Variants in NT5M observed in about 807,000 individuals in gnomAD.
NT5M encodes the protein 5'(3')-deoxyribonucleotidase, mitochondrial.
A neutral mutation model predicts 22.2 loss-of-function variants in NT5M; 22 were observed. The observed-to-expected ratio is 0.99, with a 90% CI of 0.71 to 1.41. NT5M has a LOEUF of 1.41. Among genes scored for constraint, NT5M ranks in the 40% most tolerant of loss-of-function variants. The probability of loss-of-function intolerance (pLI) is 0.00; values close to 1 mark genes in which losing one functional copy is unlikely to be tolerated. For synonymous variants in NT5M, 167 were observed against 133.0 expected (o/e 1.26, Z -1.76); for missense variants, 322 against 314.8 (o/e 1.02, Z -0.17).
At chr17:17,307,477 CGCCTGT>C (rs1567878715) in intron 2 of NT5M, among the ~76,000 whole-genome samples, 5 of 147,592 alleles carry the variant, frequency 3.4e-5, no homozygotes, top group African/African-American at 1.2e-4. Flanking sequence ...CGGTGGCTCA[CGCCTGT>C]AATCCTAGCA....
rs1444412174 is a variant in NT5M, at chr17:17,347,013, G to A, written c.*66G>A. The A allele has an allele frequency of 2.5e-6, 4 of 1,576,534 alleles. No homozygotes were observed. In the African/African-American group the frequency reaches 5.4e-5, roughly 21 times the overall value. On this transcript the variant is annotated 3_prime_UTR_variant, in exon 5 of 5. Coordinates refer to ENST00000389022, the MANE Select transcript of NT5M (RefSeq NM_020201.4). ...CAGGGCTCCCAGCTCGGGGCCTGTG[G>A]GGCCAGTATGCTGGTCTGGGAGTCC...
chr17:17,335,046 T>C (rs530945145), intron 3 of NT5M, among the ~76,000 whole-genome samples: 1 of 152,084 alleles, frequency 6.6e-6, no homozygotes, highest in Non-Finnish European at 1.5e-5. Flanking sequence ...TTTTGTAGCT[T>C]TCAGTGTACC....
chr17:17,304,480 T>C, intron 1 of NT5M: 1 of 974,262 alleles, frequency 1.0e-6, no homozygotes, highest in Non-Finnish European at 1.2e-6. Context: ...AGATCTTGGT[T>C]GGTAAATTTG....
At chr17:17,345,192 G>T in intron 4 of NT5M, 1 of 1,144,068 alleles carries the variant, frequency 8.7e-7, no homozygotes, top group Non-Finnish European at 1.1e-6. Context: ...ATGTAACATG[G>T]GGACTCAACT....
At chr17:17,343,635 C>T (rs183195431) in intron 3 of NT5M, among the ~76,000 whole-genome samples, 135 of 152,196 alleles carry the variant, frequency 8.9e-4, no homozygotes, top group Middle Eastern at 3.4e-3. Context: ...AGGACCTGCC[C>T]GGCTCTGCCC....
chr17:17,312,834 A>C (rs887415503), intron 2 of NT5M, among the ~76,000 whole-genome samples: 1 of 151,898 alleles, frequency 6.6e-6, no homozygotes, highest in Non-Finnish European at 1.5e-5. Flanking sequence ...GAAGCCAGGC[A>C]TGCTGACCTG....
At chr17:17,306,028 A>T (rs556082804) in intron 1 of NT5M, among the ~76,000 whole-genome samples, 1 of 152,246 alleles carries the variant, frequency 6.6e-6, no homozygotes, top group South Asian at 2.1e-4. Flanking sequence ...TATAAAACCG[A>T]TAAAAGCAGA....
At chr17:17,308,221 C>T (rs755634052) in intron 2 of NT5M, among the ~76,000 whole-genome samples, 1 of 152,136 alleles carries the variant, frequency 6.6e-6, no homozygotes, top group African/African-American at 2.4e-5. Context: ...GACTGAAGCC[C>T]CCACTCAGTG....
chr17:17,329,082 A>G (rs1055720881), intron 3 of NT5M, among the ~76,000 whole-genome samples: 3 of 152,088 alleles, frequency 2.0e-5, no homozygotes, highest in Non-Finnish European at 4.4e-5. Flanking sequence ...GGTTCATGCC[A>G]TTCTCCTGCC....
intron 2 of NT5M, among the ~76,000 whole-genome samples, chr17:17,307,378 C>T (rs1339843231): frequency 6.6e-6 from 1 of 152,094 alleles, no homozygotes; most frequent in Non-Finnish European, 1.5e-5. Flanking sequence ...AATCCCAGCA[C>T]TTTGAGAGGC....
chr17:17,306,578 C>CT lies in NT5M; in HGVS notation c.309dup (p.Glu104Ter), dbSNP rs1358506266. On this transcript the variant is annotated frameshift_variant, in exon 2 of 5. Transcript: ENST00000389022. LOFTEE classifies it high-confidence loss of function. ...TCAGCATTTGGGAGTCAAAGAATTTCTTTTTTGAACTTGAGCCTCTGCCAG... is the reference window on the plus strand; with the variant it reads ...TCAGCATTTGGGAGTCAAAGAATTTCTTTTTTTGAACTTGAGCCTCTGCCAG... The CT allele has an allele frequency of 2.5e-6, 4 of 1,613,868 alleles. No homozygotes were observed. The highest frequency in any genetic ancestry group is 3.4e-6 in the Non-Finnish European group (4 of 1,179,986).
intron 2 of NT5M, among the ~76,000 whole-genome samples, chr17:17,317,877 G>A (rs888013325): frequency 4.8e-5 from 7 of 144,928 alleles, no homozygotes; most frequent in Non-Finnish European, 9.0e-5. Context: ...CAGGAGAATC[G>A]CTTGAACCCA....
At chr17:17,315,636 A>C (rs1305338094) in intron 2 of NT5M, among the ~76,000 whole-genome samples, 1 of 151,904 alleles carries the variant, frequency 6.6e-6, no homozygotes, top group Non-Finnish European at 1.5e-5. Flanking sequence ...TTGTCTGAGT[A>C]ACATAAAGGA....
At chr17:17,329,619 A>C (rs963590280) in intron 3 of NT5M, among the ~76,000 whole-genome samples, 25 of 152,286 alleles carry the variant, frequency 1.6e-4, no homozygotes, top group African/African-American at 4.8e-4. Context: ...TCTGATTTGA[A>C]GTCTGGTTTC....
intron 2 of NT5M, among the ~76,000 whole-genome samples, chr17:17,312,113 A>G (rs2048932673): frequency 6.6e-6 from 1 of 152,218 alleles, no homozygotes; most frequent in Non-Finnish European, 1.5e-5. Flanking sequence ...GATAAGGAGA[A>G]AGTCCTCAGT....
intron 1 of NT5M, among the ~76,000 whole-genome samples, chr17:17,305,894 G>A (rs968091066): frequency 6.6e-6 from 1 of 152,124 alleles, no homozygotes; most frequent in African/African-American, 2.4e-5. Context: ...GACATCAGGT[G>A]GATCTCTTCC....
intron 3 of NT5M, among the ~76,000 whole-genome samples, chr17:17,333,310 T>C (rs1217614302): frequency 6.6e-6 from 1 of 152,170 alleles, no homozygotes; most frequent in East Asian, 1.9e-4. Flanking sequence ...CTTTTTCTTT[T>C]TTTTCTTTTT....
intron 2 of NT5M, among the ~76,000 whole-genome samples, chr17:17,322,770 G>GAGCCA (rs565801222): frequency 3.3e-5 from 5 of 152,226 alleles, no homozygotes; most frequent in Admixed American, 3.3e-4. Flanking sequence ...TCCTCACGCG[G>GAGCCA]AGCCAAGCCA....
intron 3 of NT5M, among the ~76,000 whole-genome samples, chr17:17,323,785 A>G (rs1354983827): frequency 6.6e-6 from 1 of 152,108 alleles, no homozygotes; most frequent in East Asian, 1.9e-4. Flanking sequence ...GGAAGGCAAG[A>G]TCTTCAGTCC....
Sources: allele counts gnomAD v4.1 joint callset (sites outside exome capture counted in the v4.1 genomes callset), GRCh38; gene constraint gnomAD v4.1.1; transcripts MANE v1.5; gene names NCBI Gene and HGNC (gene_info 2026-07-23, HGNC 2026-07-21).